Variants in RALB observed in about 807,000 individuals in gnomAD.
RALB encodes RAS like proto-oncogene B.
A neutral mutation model predicts 21.3 loss-of-function variants in RALB; 16 were observed. That is an observed-to-expected ratio of 0.75 (90% CI 0.51 to 1.14). The LOEUF is 1.14. Ranked by LOEUF, RALB falls within the 50% of genes most tolerant of loss-of-function variation. RALB has a pLI of 0.00. For missense variants in RALB, 161 were observed against 256.2 expected (o/e 0.63, Z 2.54); for synonymous variants, 93 against 96.1 (o/e 0.97, Z 0.19).
chr2:120,249,317 G>A (rs1689018366), upstream of RALB, among the ~76,000 whole-genome samples: 1 of 152,188 alleles, frequency 6.6e-6, no homozygotes, highest in Non-Finnish European at 1.5e-5. Context: ...ACAGGCGTGA[G>A]CCACCGCGCC....
chr2:120,294,196 C>T lies in RALB; in HGVS notation c.*936C>T, dbSNP rs1306519383. 1.2e-4 allele frequency: 48 copies of T among 398,596 alleles called. No individual in the cohort carries two copies. In the East Asian group the frequency reaches 1.7e-3, roughly 14 times the overall value. 24.7% of individuals were successfully genotyped at this position (398,596 alleles called of 1,614,324 possible). ...CTTGCTAAGTGTCACACACACTCTT[C>T]CCAAAGACGTGATGAGTTAAAGTTG... On this transcript the variant is annotated 3_prime_UTR_variant, in exon 5 of 5. Transcript: ENST00000272519.
chr2:120,277,991 A>G (rs1319529184), intron 1 of RALB, among the ~76,000 whole-genome samples: 1 of 126,988 alleles, frequency 7.9e-6, no homozygotes. Flanking sequence ...GCATGTGTGA[A>G]TGTGTGTGCG....
In RALB at chr2:120,276,369, G is replaced by A. The variant is rs1209684131; in HGVS notation, c.-47-2249G>A. Among the ~76,000 whole-genome samples, 4 of 152,182 alleles carry A rather than the reference G, an allele frequency of 2.6e-5. No individual in the cohort carries two copies. The East Asian group carries it at 5.8e-4, about 22-fold the overall frequency. ...TAGTCCCAGCATTTTGGGAGGCTGA[G>A]CAGGGGGTGGATCACTTGAGATCAG... is the stretch of plus-strand genomic sequence containing the variant. On this transcript the variant is annotated intron_variant, in intron 1 of 4. Coordinates refer to ENST00000272519, the MANE Select transcript of RALB (RefSeq NM_002881.3).
intron 2 of RALB, 71 bp downstream of exon 2, chr2:120,278,849 C>A: frequency 7.3e-7 from 1 of 1,363,932 alleles, no homozygotes; most frequent in Non-Finnish European, 9.7e-7. Context: ...CCCGCTGTTT[C>A]TGTGCCGGTC....
intron 4 of RALB, among the ~76,000 whole-genome samples, chr2:120,290,616 C>A (rs1690283392): frequency 7.0e-6 from 1 of 143,590 alleles, no homozygotes; most frequent in African/African-American, 2.7e-5. Context: ...TCTCAGAACT[C>A]AAATCTCTGG....
At chr2:120,249,813 G>A (rs964594058), upstream of RALB, among the ~76,000 whole-genome samples, 4 of 152,112 alleles carry the variant, frequency 2.6e-5, no homozygotes, top group Non-Finnish European at 4.4e-5. Context: ...CTGTATAACC[G>A]AGAAGCCCCT....
At chr2:120,276,587 A>G (rs986005732) in intron 1 of RALB, among the ~76,000 whole-genome samples, 20 of 151,828 alleles carry the variant, frequency 1.3e-4, no homozygotes, top group Non-Finnish European at 2.5e-4. Flanking sequence ...TGGGTGACAC[A>G]GTGAGACTCT....
At chr2:120,260,941 G>A (rs779483135) in intron 1 of RALB, among the ~76,000 whole-genome samples, 34 of 152,156 alleles carry the variant, frequency 2.2e-4, no homozygotes, top group Non-Finnish European at 4.3e-4. Flanking sequence ...GTGAGGGAAG[G>A]AAACAAAGGC....
chr2:120,277,365 ATGTG>A (rs5833827), intron 1 of RALB, among the ~76,000 whole-genome samples: 6 of 151,088 alleles, frequency 4.0e-5, no homozygotes, highest in South Asian at 4.2e-4. Flanking sequence ...GTGTGAGAGC[ATGTG>A]TGTGGTGGCG....
intron 1 of RALB, among the ~76,000 whole-genome samples, chr2:120,261,641 G>A (rs1689368659): frequency 6.6e-6 from 1 of 152,188 alleles, no homozygotes; most frequent in Non-Finnish European, 1.5e-5. Flanking sequence ...GCATTTGCAT[G>A]CTGGGTGCAG....
Position 120,286,040 on chromosome 2 carries a change from C to G in RALB, c.281C>G (p.Ser94Ter). ...RSGEGFLLVF[S>*]ITEHESFTAT... The stretch of plus-strand genomic sequence containing the variant: ...GGGGAAGGGTTTCTTCTTGTGTTCT[C>G]AATCACAGAACATGAATCCTTTACA... Residue 94 changes from serine (S) to a stop codon, truncating the protein, a stop_gained, in exon 3 of 5, where the codon TCA becomes TGA. Transcript: ENST00000272519. LOFTEE classifies it high-confidence loss of function. The G allele has an allele frequency of 6.2e-7, 1 of 1,613,988 alleles. No individual in the cohort carries two copies. Among genetic ancestry groups the G allele is most frequent in the Non-Finnish European group, 8.5e-7 (1 of 1,179,994 alleles).
chr2:120,252,426 C>A (rs1278193108), upstream of RALB, among the ~76,000 whole-genome samples: 1 of 152,228 alleles, frequency 6.6e-6, no homozygotes, highest in Non-Finnish European at 1.5e-5. Context: ...CACTCTTCGC[C>A]ACCTCGTAAT....
intron 1 of RALB, among the ~76,000 whole-genome samples, chr2:120,240,838 AGT>A (rs1688882116): frequency 6.6e-6 from 1 of 151,916 alleles, no homozygotes; most frequent in Non-Finnish European, 1.5e-5. Flanking sequence ...CACCTGGGTG[AGT>A]GTGTGGGGAC....
intron 1 of RALB, among the ~76,000 whole-genome samples, chr2:120,241,775 T>C (rs190366026): frequency 1.3e-5 from 2 of 151,914 alleles, no homozygotes; most frequent in East Asian, 3.9e-4. Context: ...GAAGAGCAAG[T>C]GTTGGAGGAC....
intron 1 of RALB, among the ~76,000 whole-genome samples, chr2:120,264,680 C>T (rs11892574): frequency 0.03 from 4,548 of 152,204 alleles, 121 homozygotes; most frequent in East Asian, 0.078. Flanking sequence ...CTTTGTTGTG[C>T]AGCCATCACC....
intron 1 of RALB, among the ~76,000 whole-genome samples, chr2:120,257,527 G>A (rs996306562): frequency 4.6e-5 from 7 of 151,474 alleles, no homozygotes; most frequent in African/African-American, 1.7e-4. Flanking sequence ...TTTTTATAAC[G>A]AATATCCTTT....
chr2:120,280,978 A>G (rs1689976295), intron 2 of RALB: 2 of 347,082 alleles, frequency 5.8e-6, no homozygotes, highest in African/African-American at 2.9e-5. Flanking sequence ...TGCTGTTTGT[A>G]TTAGTTTTTT....
chr2:120,261,570 A>G (rs1689366854), intron 1 of RALB, among the ~76,000 whole-genome samples: 1 of 152,132 alleles, frequency 6.6e-6, no homozygotes, highest in Admixed American at 6.5e-5. Context: ...TTGTGATCAT[A>G]AGTGCATTGA....
At chr2:120,278,859 C>T in intron 2 of RALB, 81 bp downstream of exon 2, 1 of 1,312,050 alleles carries the variant, frequency 7.6e-7, no homozygotes, top group Non-Finnish European at 1.0e-6. Flanking sequence ...CTGTGCCGGT[C>T]CTCCCGTACA....
Sources: gnomAD v4.1 joint callset for allele counts (sites outside exome capture counted in the v4.1 genomes callset) on GRCh38, gnomAD v4.1.1 for gene constraint, MANE v1.5 for transcripts, NCBI Gene and HGNC (gene_info 2026-07-23, HGNC 2026-07-21) for gene names.